The following SOX6 variants were observed in gnomAD, a reference collection of about 807,000 sequenced individuals.
The protein encoded by SOX6 is transcription factor SOX-6.
Under a neutral mutation model 97.8 loss-of-function variants are expected in SOX6, and 11 were observed. The observed-to-expected ratio is 0.11, with a 90% confidence interval of 0.07 to 0.19. The LOEUF (loss-of-function observed/expected upper bound fraction) is 0.19, where lower values mean the gene tolerates loss of function less well. SOX6 is among the 10% of genes least tolerant of loss of function. The probability of loss-of-function intolerance (pLI) is 1.00; values close to 1 mark genes in which losing one functional copy is unlikely to be tolerated. For synonymous variants in SOX6, 360 were observed against 371.4 expected (o/e 0.97, Z 0.35); for missense variants, 810 against 1,039.5 (o/e 0.78, Z 3.04).
At chr11:16,604,296 G>A (rs1484320317) in intron 4 of SOX6, among the ~76,000 whole-genome samples, 1 of 152,234 alleles carries the variant, frequency 6.6e-6, no homozygotes, top group Non-Finnish European at 1.5e-5. Flanking sequence ...TCGCCGACCT[G>A]ACCACTTGAC....
chr11:16,226,135 G>A (rs1046598088), intron 4 of SOX6, among the ~76,000 whole-genome samples: 1 of 151,986 alleles, frequency 6.6e-6, no homozygotes, highest in Non-Finnish European at 1.5e-5. Flanking sequence ...CCATCAAAAA[G>A]TATCTGTTTA....
chr11:16,048,168 C>T (rs1022165510), intron 11 of SOX6, among the ~76,000 whole-genome samples: 13 of 152,148 alleles, frequency 8.5e-5, no homozygotes, highest in African/African-American at 3.1e-4. Context: ...AAGGTCAACT[C>T]TATAATTTAT....
intron 3 of SOX6, among the ~76,000 whole-genome samples, chr11:16,680,977 C>T (rs750023785): frequency 1.2e-4 from 19 of 152,140 alleles, no homozygotes; most frequent in Non-Finnish European, 1.6e-4. Context: ...TAGAGACCTA[C>T]AAACAGACTT....
chr11:16,368,671 T>A (rs1857424054), intron 1 of SOX6, among the ~76,000 whole-genome samples: 1 of 151,846 alleles, frequency 6.6e-6, no homozygotes, highest in South Asian at 2.1e-4. Flanking sequence ...TTAGAGGAAA[T>A]CATCATGACA....
In SOX6 at chr11:16,341,135, G is replaced by A. The variant is rs371129299; in HGVS notation, c.114C>T (p.Ala38=). 2.5e-6 allele frequency: 4 copies of A among 1,613,372 alleles called. No homozygotes were observed. Among genetic ancestry groups the A allele is most frequent in the Non-Finnish European group, 3.4e-6 (4 of 1,179,578 alleles). ...TTATGGGGTGCAGAGGCAGATGGGA[G>A]GCCACATGTTGATCACTGCCCTCTT... ...EKEEGSDQHV[A]SHLPLHPIMH... is the part of the protein sequence containing the mutation. The change falls in exon 2 of 16, where the codon GCC becomes GCT. Residue 38 remains alanine (A), a synonymous_variant. Transcript: ENST00000683767.
chr11:16,281,697 C>T (rs1854569556), intron 3 of SOX6, among the ~76,000 whole-genome samples: 1 of 151,734 alleles, frequency 6.6e-6, no homozygotes, highest in Non-Finnish European at 1.5e-5. Context: ...TTTAAACATT[C>T]TATATTATTT....
intron 3 of SOX6, among the ~76,000 whole-genome samples, chr11:16,261,017 T>C (rs1347636949): frequency 1.3e-5 from 2 of 152,194 alleles, no homozygotes; most frequent in Non-Finnish European, 2.9e-5. Context: ...CTCCATTTCA[T>C]CTAACTAACT....
chr11:16,663,316 A>C (rs547517539), intron 3 of SOX6, among the ~76,000 whole-genome samples: 1 of 152,244 alleles, frequency 6.6e-6, no homozygotes, highest in East Asian at 1.9e-4. Flanking sequence ...TTAATATGTA[A>C]GGCTATATTT....
intron 1 of SOX6, among the ~76,000 whole-genome samples, chr11:16,382,809 G>C (rs2134412152): frequency 6.6e-6 from 1 of 151,876 alleles, no homozygotes; most frequent in South Asian, 2.1e-4. Context: ...TCAACTCCAG[G>C]GTAGTTGTAC....
chr11:16,124,141 C>A (rs1166366207), intron 6 of SOX6, among the ~76,000 whole-genome samples: 1 of 152,086 alleles, frequency 6.6e-6, no homozygotes. Flanking sequence ...TTGCACTGCA[C>A]ATATTGTGTT....
At chr11:16,007,471 CT>C (rs2094485337) in intron 13 of SOX6, among the ~76,000 whole-genome samples, 1 of 151,972 alleles carries the variant, frequency 6.6e-6, no homozygotes, top group African/African-American at 2.4e-5. Context: ...GTAACAGAAA[CT>C]GGGGGAGGAC....
chr11:16,198,411 TAAG>T (rs1345171828), intron 4 of SOX6, among the ~76,000 whole-genome samples: 1 of 152,042 alleles, frequency 6.6e-6, no homozygotes, highest in Non-Finnish European at 1.5e-5. Context: ...AAATTGAGTT[TAAG>T]AAGAAGCTTA....
At chr11:16,512,390 G>C (rs1449800923) in intron 4 of SOX6, among the ~76,000 whole-genome samples, 2 of 152,170 alleles carry the variant, frequency 1.3e-5, no homozygotes, top group African/African-American at 4.8e-5. Flanking sequence ...GCAAAGCTGG[G>C]TTTTCAGTGG....
intron 4 of SOX6, among the ~76,000 whole-genome samples, chr11:16,545,134 A>G (rs1271141052): frequency 6.6e-6 from 1 of 152,124 alleles, no homozygotes; most frequent in Non-Finnish European, 1.5e-5. Flanking sequence ...TAACAGTAGA[A>G]AGCAATGACA....
rs1384107013 is a variant in SOX6 at position 16,402,386 on chromosome 11, C to A, written c.-4-61134G>T. Among the ~76,000 whole-genome samples the A allele has an allele frequency of 2.6e-5, 4 of 151,550 alleles. No individual in the cohort carries two copies. The East Asian group carries it at 7.7e-4, about 29-fold the overall frequency. The stretch of plus-strand genomic sequence containing the variant: ...ATTCAGTGTGCATTTGAAGGAAAAC[C>A]TTTTAAGAACACCAATAACGTGAGA... On this transcript the variant is annotated intron_variant, in intron 1 of 15. Transcript: ENST00000396356.
chr11:16,372,568 A>T (rs1240055300), intron 1 of SOX6, among the ~76,000 whole-genome samples: 1 of 152,128 alleles, frequency 6.6e-6, no homozygotes, highest in Non-Finnish European at 1.5e-5. Flanking sequence ...CCAAAACACC[A>T]TTCACAGATA....
chr11:16,393,820 A>G (rs1215831839), intron 1 of SOX6, among the ~76,000 whole-genome samples: 1 of 152,060 alleles, frequency 6.6e-6, no homozygotes, highest in Non-Finnish European at 1.5e-5. Context: ...AATTGGAAAA[A>G]ATGAAACTTT....
intron 13 of SOX6, among the ~76,000 whole-genome samples, chr11:16,006,844 T>A (rs1379906683): frequency 1.3e-5 from 2 of 152,074 alleles, no homozygotes; most frequent in African/African-American, 4.8e-5. Context: ...AACAGTATGG[T>A]GTTATGAGAT....
intron 1 of SOX6, among the ~76,000 whole-genome samples, chr11:16,452,108 G>A (rs1191756686): frequency 6.6e-6 from 1 of 152,106 alleles, no homozygotes; most frequent in Non-Finnish European, 1.5e-5. Flanking sequence ...AAGTTGTAGT[G>A]GGATATATCT....
Sources: gnomAD v4.1 joint callset for allele counts (sites outside exome capture counted in the v4.1 genomes callset) on GRCh38, gnomAD v4.1.1 for gene constraint, MANE v1.5 for transcripts, NCBI Gene and HGNC (gene_info 2026-07-23, HGNC 2026-07-21) for gene names.